NAP1L4: variants seen among roughly 807,000 people sequenced by gnomAD.
NAP1L4 encodes the protein nucleosome assembly protein 1-like 4.
In NAP1L4, 15 loss-of-function variants were observed where a neutral mutation model predicts 58.2. The observed-to-expected ratio is 0.26, with a 90% confidence interval of 0.17 to 0.40. NAP1L4 has a LOEUF of 0.40. Among genes scored for constraint, NAP1L4 ranks in the 10% least tolerant of loss-of-function variants. The probability of loss-of-function intolerance (pLI) is 1.00; values close to 1 mark genes in which losing one functional copy is unlikely to be tolerated. For missense variants in NAP1L4, 384 were observed against 451.1 expected (o/e 0.85, Z 1.35); for synonymous variants, 171 against 155.6 (o/e 1.10, Z -0.74).
At chr11:2,991,792 A>G (rs2134044210) in intron 1 of NAP1L4, 1 of 152,330 alleles carries the variant, frequency 6.6e-6, no homozygotes, top group South Asian at 2.1e-4. Context: ...GGACGTCTCC[A>G]CCTTAAAAAC....
At chr11:2,984,528 G>A (rs1280088585) in intron 1 of NAP1L4, among the ~76,000 whole-genome samples, 1 of 152,138 alleles carries the variant, frequency 6.6e-6, no homozygotes, top group East Asian at 1.9e-4. Flanking sequence ...CCGAGATCTC[G>A]CCATTGCACT....
intron 15 of NAP1L4, among the ~76,000 whole-genome samples, chr11:2,945,861 G>A (rs1479901141): frequency 6.6e-6 from 1 of 152,092 alleles, no homozygotes; most frequent in African/African-American, 2.4e-5. Flanking sequence ...TTAAAGCTAT[G>A]CCTTCAAGCA....
Position 2,964,536 on chromosome 11 carries a change from T to G in NAP1L4, c.606+144A>C. ...ACAATGCGGTACTCAGTCTAACTCT[T>G]GGAGAGCAGTCTCGCCCAGGGCTGC... On this transcript the variant is annotated intron_variant, in intron 8 of 15. Transcript: ENST00000380542. The G allele has an allele frequency of 1.2e-5, 8 of 644,446 alleles. No individual in the cohort carries two copies. The South Asian group carries it at 1.5e-4, about 12-fold the overall frequency. The allele number at this position is 644,446 out of a possible 1,614,324, so 39.9% of individuals were successfully genotyped here.
intron 7 of NAP1L4, among the ~76,000 whole-genome samples, chr11:2,969,358 G>A (rs1475190316): frequency 6.7e-6 from 1 of 149,994 alleles, no homozygotes; most frequent in Non-Finnish European, 1.5e-5. Flanking sequence ...TCACTGAGAT[G>A]TGTGTGTACA....
rs116729047 is a variant in NAP1L4, at chr11:2,955,102, G to A, written c.916-456C>T. 0.014 allele frequency among the ~76,000 whole-genome samples: 2,129 copies of A among 152,126 alleles called. 46 individuals are homozygous for A. The highest frequency in any genetic ancestry group is 0.049 in the African/African-American group (2,043 of 41,476). On this transcript the variant is annotated intron_variant, in intron 11 of 15. Coordinates refer to ENST00000380542, the MANE Select transcript of NAP1L4 (RefSeq NM_005969.4). This position sits in a 1 kb window ranked among gnomAD's most constrained non-coding sequence, Gnocchi z 4.2. Reference sequence around the variant, plus strand: ...GACAGGGTCTTATTCTATCACCCAGGTTGGAGGGCAGTGGTGCAATCACAG... The same window carrying A: ...GACAGGGTCTTATTCTATCACCCAGATTGGAGGGCAGTGGTGCAATCACAG...
chr11:2,960,599 G>T (rs1846831511), intron 8 of NAP1L4, among the ~76,000 whole-genome samples: 2 of 152,122 alleles, frequency 1.3e-5, no homozygotes, highest in African/African-American at 4.8e-5. Flanking sequence ...TTTCTTTGGG[G>T]CAAAATGTAC....
intron 1 of NAP1L4, among the ~76,000 whole-genome samples, chr11:2,981,310 T>C (rs1027075936): frequency 6.7e-6 from 1 of 149,208 alleles, no homozygotes; most frequent in African/African-American, 2.5e-5. Context: ...CTTGAGAGGC[T>C]GAGACAGAAG....
chr11:2,984,842 A>G (rs1848532547), intron 1 of NAP1L4, among the ~76,000 whole-genome samples: 1 of 151,588 alleles, frequency 6.6e-6, no homozygotes, highest in Admixed American at 6.6e-5. Context: ...CCATGCATAT[A>G]GACTACATCT....
chr11:2,947,933 G>C (rs1052715143), intron 15 of NAP1L4, among the ~76,000 whole-genome samples: 11 of 152,260 alleles, frequency 7.2e-5, no homozygotes, highest in Non-Finnish European at 1.3e-4. Flanking sequence ...AGCAGCCTCA[G>C]TGGGACACTC....
rs1041352565 is a variant in NAP1L4 at position 2,976,004 on chromosome 11, C to T, written c.173+20G>A. Reference sequence around the variant, plus strand: ...TTTGTTTCTCCAAATTGCATGAGACCCTATTCACAGCACACTTACGTTTCG... The same window carrying T: ...TTTGTTTCTCCAAATTGCATGAGACTCTATTCACAGCACACTTACGTTTCG... On this transcript the variant is annotated intron_variant, in intron 4 of 15. Transcript: ENST00000380542. The T allele has an allele frequency of 6.3e-7, 1 of 1,594,430 alleles. No individual in the cohort carries two copies. Among genetic ancestry groups the T allele is most frequent in the East Asian group, 2.2e-5 (1 of 44,724 alleles).
chr11:2,979,335 T>C, intron 1 of NAP1L4, 98 bp from the exon 2 acceptor site: 2 of 1,000,598 alleles, frequency 2.0e-6, no homozygotes, highest in Non-Finnish European at 3.0e-6. Context: ...TGGAGTCCAC[T>C]AGAAGGGACA....
At chr11:2,968,578 A>G (rs1847429987) in intron 7 of NAP1L4, among the ~76,000 whole-genome samples, 1 of 152,218 alleles carries the variant, frequency 6.6e-6, no homozygotes, top group Non-Finnish European at 1.5e-5. Context: ...GACAAGCATT[A>G]AACAAGGGAG....
At chr11:2,953,082 G>C (rs534936099) in intron 12 of NAP1L4, among the ~76,000 whole-genome samples, 2 of 152,338 alleles carry the variant, frequency 1.3e-5, no homozygotes, top group South Asian at 4.1e-4. Context: ...CAAGGAGGTG[G>C]TGGAGCTACT....
intron 15 of NAP1L4, among the ~76,000 whole-genome samples, chr11:2,947,497 C>T (rs547168814): frequency 6.6e-6 from 1 of 152,178 alleles, no homozygotes; most frequent in Non-Finnish European, 1.5e-5. Context: ...ATGTGGCCCA[C>T]CCCTGCCAGG....
intron 1 of NAP1L4, among the ~76,000 whole-genome samples, chr11:2,984,527 C>A (rs199580409): frequency 6.6e-6 from 1 of 152,102 alleles, no homozygotes; most frequent in Non-Finnish European, 1.5e-5. Flanking sequence ...GCCGAGATCT[C>A]GCCATTGCAC....
intron 1 of NAP1L4, among the ~76,000 whole-genome samples, chr11:2,980,897 T>C (rs1401296039): frequency 1.3e-5 from 2 of 150,628 alleles, no homozygotes; most frequent in Non-Finnish European, 2.9e-5. Context: ...TCAAAAAAAA[T>C]AAATTATGTT....
intron 12 of NAP1L4, among the ~76,000 whole-genome samples, chr11:2,953,114 G>A (rs1295259425): frequency 6.6e-6 from 1 of 152,226 alleles, no homozygotes; most frequent in Non-Finnish European, 1.5e-5. Flanking sequence ...GGGGATGCGA[G>A]TCTGAGCAGT....
chr11:2,961,554 G>A (rs999687813), intron 8 of NAP1L4, among the ~76,000 whole-genome samples: 4 of 151,656 alleles, frequency 2.6e-5, no homozygotes, highest in African/African-American at 9.7e-5. Context: ...CCAACCAATG[G>A]AGAGACTGCT....
intron 2 of NAP1L4, 28 bp downstream of exon 2, chr11:2,979,179 C>A (rs764830173): frequency 2.5e-6 from 4 of 1,605,634 alleles, no homozygotes; most frequent in Non-Finnish European, 3.4e-6. Flanking sequence ...ATTTTAAACT[C>A]CAATAAACAA....
Sources: allele counts gnomAD v4.1 joint callset (sites outside exome capture counted in the v4.1 genomes callset), GRCh38; gene constraint gnomAD v4.1.1; non-coding constraint Gnocchi (gnomAD v3.1); transcripts MANE v1.5; gene names NCBI Gene and HGNC (gene_info 2026-07-23, HGNC 2026-07-21).